MKX: variants seen among roughly 807,000 people sequenced by gnomAD.
MKX encodes homeobox protein Mohawk.
A neutral mutation model predicts 36.0 loss-of-function variants in MKX; 13 were observed. That is an observed-to-expected ratio of 0.36 (90% confidence interval 0.24 to 0.57). MKX has a LOEUF of 0.57. Ranked by LOEUF, MKX falls within the 20% of genes least tolerant of loss-of-function variation. The pLI is 0.79. For missense variants in MKX, 458 were observed against 456.4 expected (o/e 1.00, Z -0.03); for synonymous variants, 176 against 178.3 (o/e 0.99, Z 0.10).
intron 5 of MKX, among the ~76,000 whole-genome samples, chr10:27,682,605 C>A (rs1398267088): frequency 1.3e-5 from 2 of 152,174 alleles, no homozygotes; most frequent in Admixed American, 1.3e-4. Flanking sequence ...AGACCATTTT[C>A]CCACGGACCA....
intron 5 of MKX, among the ~76,000 whole-genome samples, chr10:27,683,044 A>C (rs775377998): frequency 2.0e-5 from 3 of 152,108 alleles, no homozygotes; most frequent in Non-Finnish European, 4.4e-5. Flanking sequence ...TGCGCAGTTC[A>C]CAATAGGTTT....
chr10:27,679,063 T>G (rs1430603430), intron 5 of MKX, among the ~76,000 whole-genome samples: 1 of 151,926 alleles, frequency 6.6e-6, no homozygotes, highest in African/African-American at 2.4e-5. Context: ...AGGTATAGAT[T>G]GGGTTCCTCT....
Position 27,741,178 on chromosome 10 carries a change from C to T in MKX, c.348+167G>A, listed in dbSNP as rs1834884945. Among the ~76,000 whole-genome samples, 1 of 152,216 alleles carries T rather than the reference C, an allele frequency of 6.6e-6. No homozygotes were observed. The highest frequency in any genetic ancestry group is 1.5e-5 in the Non-Finnish European group (1 of 68,048). ...CATTCTTTCCTGCACGGAGCATCTG[C>T]ACTGAACTGAGGGATGAGGGTGAGA... On this transcript the variant is annotated intron_variant, in intron 3 of 6. Coordinates refer to ENST00000419761, the MANE Select transcript of MKX (RefSeq NM_173576.3). The surrounding 1 kb of genome is among the most constrained non-coding windows in gnomAD (Gnocchi z 5.1).
intron 5 of MKX, among the ~76,000 whole-genome samples, chr10:27,682,785 T>C (rs2637278): frequency 0.91 from 137,798 of 151,886 alleles, 62,875 homozygotes; most frequent in East Asian, 0.98. Flanking sequence ...TCGAGACCAG[T>C]CTGGCCAATA....
rs193150709 is a variant in MKX at position 27,685,541 on chromosome 10, C to T, written c.839-9987G>A. Reference sequence around the variant, plus strand: ...TCGGCTCACTGCAAGCTCCGCCTCCCGGGTGCACGCCATTCTCCTGCCTCA... The same window carrying T: ...TCGGCTCACTGCAAGCTCCGCCTCCTGGGTGCACGCCATTCTCCTGCCTCA... On this transcript the variant is annotated intron_variant, in intron 5 of 6. Coordinates refer to ENST00000419761, the MANE Select transcript of MKX (RefSeq NM_173576.3). 8.3e-3 allele frequency among the ~76,000 whole-genome samples: 1,253 copies of T among 150,874 alleles called. 55 individuals carry two copies. Among genetic ancestry groups the T allele is most frequent in the Admixed American group, 0.07 (1,064 of 15,124 alleles).
intron 5 of MKX, among the ~76,000 whole-genome samples, chr10:27,695,729 C>T (rs1836542325): frequency 6.6e-6 from 1 of 151,888 alleles, no homozygotes. Flanking sequence ...GGTAAAAATG[C>T]ATTTAATTAA....
intron 5 of MKX, among the ~76,000 whole-genome samples, chr10:27,733,410 A>G (rs1834677496): frequency 6.6e-6 from 1 of 152,206 alleles, no homozygotes; most frequent in Admixed American, 6.5e-5. Flanking sequence ...TGTATAGTTT[A>G]TATCATAGGG....
chr10:27,735,429 G>A (rs1440122980), intron 3 of MKX, 55 bp from the exon 4 acceptor site: 32 of 1,479,128 alleles, frequency 2.2e-5, no homozygotes, highest in Non-Finnish European at 3.0e-5. Flanking sequence ...TCCATGGTGC[G>A]ATTATTTTCT....
intron 5 of MKX, among the ~76,000 whole-genome samples, chr10:27,725,811 G>C (rs888062941): frequency 6.6e-6 from 1 of 152,004 alleles, no homozygotes; most frequent in African/African-American, 2.4e-5. Flanking sequence ...ATCATATTTG[G>C]TCTCGTCAGT....
rs920648847 is a variant in MKX at position 27,702,639 on chromosome 10, A to T, written c.839-27085T>A. On this transcript the variant is annotated intron_variant, in intron 5 of 6. Transcript: ENST00000419761. ...AAGAACCACTGTCCTATCTCTAAAC[A>T]TGTAGTTCATTCTCTACCAAATTTA... 2.0e-5 allele frequency among the ~76,000 whole-genome samples: 3 copies of T among 152,182 alleles called. No homozygotes were observed. The South Asian group carries it at 6.2e-4, about 32-fold the overall frequency.
chr10:27,707,540 T>C (rs891754949), intron 5 of MKX, among the ~76,000 whole-genome samples: 1 of 151,944 alleles, frequency 6.6e-6, no homozygotes, highest in Admixed American at 6.6e-5. Flanking sequence ...GGAGGCAACA[T>C]GAGGACGCGG....
chr10:27,693,484 T>G (rs561859893), intron 5 of MKX, among the ~76,000 whole-genome samples: 1 of 152,086 alleles, frequency 6.6e-6, no homozygotes, highest in African/African-American at 2.4e-5. Context: ...AAACAAGAAC[T>G]GAATAATTAC....
chr10:27,711,572 C>G (rs1395037568), intron 5 of MKX, among the ~76,000 whole-genome samples: 1 of 141,220 alleles, frequency 7.1e-6, no homozygotes, highest in Non-Finnish European at 1.5e-5. Context: ...TCTTTTCTTT[C>G]TTTCTTTTTT....
Position 27,699,650 on chromosome 10 carries a change from G to C in MKX, c.839-24096C>G, listed in dbSNP as rs144043350. On this transcript the variant is annotated intron_variant, in intron 5 of 6. Coordinates refer to ENST00000419761, the MANE Select transcript of MKX (RefSeq NM_173576.3). ...AACAAAAAAGGCTTTCTTATAGAAA[G>C]AGACTCCATTTAATTGGCTTCCACA... Among the ~76,000 whole-genome samples the C allele has an allele frequency of 4.8e-3, 725 of 152,266 alleles. 6 individuals carry two copies. The highest frequency in any genetic ancestry group is 0.017 in the African/African-American group (698 of 41,548).
chr10:27,729,180 G>A (rs1589690273), intron 5 of MKX, among the ~76,000 whole-genome samples: 1 of 152,148 alleles, frequency 6.6e-6, no homozygotes, highest in South Asian at 2.1e-4. Context: ...ATTTTAGAGA[G>A]TGTAACAAAA....
chr10:27,692,044 T>C (rs917874565), intron 5 of MKX, among the ~76,000 whole-genome samples: 9 of 152,232 alleles, frequency 5.9e-5, no homozygotes, highest in Non-Finnish European at 1.0e-4. Context: ...GGTCGAATGA[T>C]TTATTTTCCT....
intron 5 of MKX, among the ~76,000 whole-genome samples, chr10:27,680,482 A>G (rs1307899120): frequency 6.6e-6 from 1 of 152,146 alleles, no homozygotes; most frequent in Non-Finnish European, 1.5e-5. Flanking sequence ...TTCCTTCTAC[A>G]GTTAAGTAGA....
At chr10:27,676,420 C>T (rs1295304195) in intron 5 of MKX, among the ~76,000 whole-genome samples, 1 of 148,106 alleles carries the variant, frequency 6.8e-6, no homozygotes, top group African/African-American at 2.5e-5. Context: ...CTCTGTTGCC[C>T]AGGCTGGAGT....
At chr10:27,738,629 T>G (rs1834828740) in intron 3 of MKX, among the ~76,000 whole-genome samples, 1 of 152,092 alleles carries the variant, frequency 6.6e-6, no homozygotes, top group Non-Finnish European at 1.5e-5. Flanking sequence ...AGTATCTATC[T>G]ATCTATCTCC....
Sources: gnomAD v4.1 joint callset for allele counts (sites outside exome capture counted in the v4.1 genomes callset) on GRCh38, gnomAD v4.1.1 for gene constraint, Gnocchi (gnomAD v3.1) non-coding constraint, MANE v1.5 for transcripts, NCBI Gene and HGNC (gene_info 2026-07-23, HGNC 2026-07-21) for gene names.